The following DOCK9 variants were observed in gnomAD, a reference collection of about 807,000 sequenced individuals.
DOCK9 encodes dedicator of cytokinesis 9.
In DOCK9, 89 loss-of-function variants were observed where a neutral mutation model predicts 263.3. The observed-to-expected ratio is 0.34, with a 90% CI of 0.28 to 0.40. The LOEUF (loss-of-function observed/expected upper bound fraction) is 0.40, where lower values mean the gene tolerates loss of function less well. Ranked by LOEUF, DOCK9 falls within the 10% of genes least tolerant of loss-of-function variation. The pLI is 1.00. For synonymous variants in DOCK9, 976 were observed against 973.1 expected (o/e 1.00, Z -0.06); for missense variants, 2,140 against 2,603.4 (o/e 0.82, Z 3.87).
chr13:98,982,617 A>G (rs183266273), upstream of DOCK9, among the ~76,000 whole-genome samples: 4,662 of 152,312 alleles, frequency 0.031, 96 homozygotes, highest in South Asian at 0.063. Context: ...AGCACTCACG[A>G]TGTATTTGCT....
chr13:98,856,717 T>A (rs557318786), intron 33 of DOCK9: 1 of 152,322 alleles, frequency 6.6e-6, no homozygotes, highest in Admixed American at 6.5e-5. Flanking sequence ...AAAAATAAAA[T>A]TAATTGTTTC....
At chr13:98,999,998 G>A (rs979463308) in intron 1 of DOCK9, among the ~76,000 whole-genome samples, 4 of 152,168 alleles carry the variant, frequency 2.6e-5, no homozygotes, top group Admixed American at 2.6e-4. Context: ...AAAAGAAGAA[G>A]AAGAAAGCAA....
At chr13:99,050,182 G>A (rs1467065636) in intron 1 of DOCK9, among the ~76,000 whole-genome samples, 1 of 152,088 alleles carries the variant, frequency 6.6e-6, no homozygotes, top group Non-Finnish European at 1.5e-5. Flanking sequence ...CATAGCATGT[G>A]TAGTTTATCT....
intron 13 of DOCK9, among the ~76,000 whole-genome samples, chr13:98,899,862 T>G (rs1470892461): frequency 1.3e-5 from 2 of 152,230 alleles, no homozygotes; most frequent in African/African-American, 4.8e-5. Flanking sequence ...ATTTTTTCCC[T>G]TTGGGCTTTT....
chr13:98,955,259 C>T (rs1033409373), intron 2 of DOCK9, among the ~76,000 whole-genome samples, 176 bp downstream of exon 2: 2 of 151,938 alleles, frequency 1.3e-5, no homozygotes, highest in South Asian at 2.1e-4. Flanking sequence ...CGGAGGTTGC[C>T]GTTGAGCCAA....
chr13:99,024,010 C>A (rs145225848), intron 1 of DOCK9, among the ~76,000 whole-genome samples: 1 of 152,328 alleles, frequency 6.6e-6, no homozygotes, highest in East Asian at 1.9e-4. Context: ...CCCCTCAGCT[C>A]AGGAACCTGC....
chr13:98,860,447 T>C lies in DOCK9; in HGVS notation c.3655A>G (p.Asn1219Asp). ...VTPQKGSTLD[N>D]SLHKDLLGAI... ...CCCAGCAGGTCCTTGTGCAGGCTGT[T>C]GTCCAGGGTGCTTCCCTTCTGCGGC... The change falls in exon 33 of 53, where the codon AAC (asparagine) becomes GAC (aspartate). Residue 1219 changes from asparagine to aspartate, a missense_variant. Around this residue, in one of 2 missense-constraint regions of DOCK9, gnomAD observed 1,521 missense variants for 1,741.7 expected, o/e 0.87. Transcript: ENST00000682017. 2 of 1,593,874 alleles carry C rather than the reference T, an allele frequency of 1.3e-6. No individual in the cohort carries two copies. Among genetic ancestry groups the C allele is most frequent in the Non-Finnish European group, 8.6e-7 (1 of 1,169,334 alleles).
rs2060179813 is a variant in DOCK9, at chr13:98,975,492, C to CACAT, written c.126+2291_126+2292insATGT. Among the ~76,000 whole-genome samples, 5 of 151,832 alleles carry CACAT rather than the reference C, an allele frequency of 3.3e-5. No homozygotes were observed. In the South Asian group the frequency reaches 1.0e-3, roughly 32 times the overall value. ...ACACATACACACACACACACACACA[C>CACAT]ACACACACACACACACAAGTTATAC... On this transcript the variant is annotated intron_variant, in intron 1 of 52. Transcript: ENST00000682017.
At chr13:98,802,835 T>C (rs144132345) in intron 49 of DOCK9, among the ~76,000 whole-genome samples, 6 of 152,300 alleles carry the variant, frequency 3.9e-5, no homozygotes, top group Middle Eastern at 3.4e-3. Context: ...GAGGGGTTGA[T>C]AACTTGAGGG....
At chr13:98,845,195 C>T (rs2093352262) in intron 38 of DOCK9, 6 of 486,756 alleles carry the variant, frequency 1.2e-5, no homozygotes, top group African/African-American at 8.3e-5. Context: ...TAAAAATATG[C>T]TCCCCTGTTC....
At chr13:99,025,519 T>C (rs1314471644) in intron 1 of DOCK9, among the ~76,000 whole-genome samples, 2 of 152,242 alleles carry the variant, frequency 1.3e-5, no homozygotes, top group Non-Finnish European at 2.9e-5. Flanking sequence ...TGGATTGGTA[T>C]ACCAATTCGA....
intron 20 of DOCK9, 147 bp from the exon 21 acceptor site, chr13:98,885,239 C>A: frequency 2.7e-6 from 3 of 1,114,888 alleles, no homozygotes; most frequent in Non-Finnish European, 3.8e-6. Context: ...AATGTAATCT[C>A]TGCAGAACAT....
intron 38 of DOCK9, chr13:98,845,231 G>A: frequency 1.2e-6 from 1 of 801,744 alleles, no homozygotes; most frequent in Non-Finnish European, 1.8e-6. Flanking sequence ...TGTAAAGTTA[G>A]AAAGCCCCAA....
intron 27 of DOCK9, among the ~76,000 whole-genome samples, chr13:98,876,290 G>A (rs1406254921): frequency 2.0e-5 from 3 of 152,094 alleles, no homozygotes; most frequent in Non-Finnish European, 2.9e-5. Context: ...TCAGGAGTTC[G>A]AGACCAGCCT....
At chr13:98,850,154 T>C (rs1382144524) in intron 35 of DOCK9, 41 bp from the exon 36 acceptor site, 4 of 1,312,638 alleles carry the variant, frequency 3.0e-6, no homozygotes, top group Non-Finnish European at 4.1e-6. Flanking sequence ...ATACATATGA[T>C]ATACATTATG....
At chr13:98,940,454 A>AGT (rs1340224881) in intron 2 of DOCK9, among the ~76,000 whole-genome samples, 1 of 152,250 alleles carries the variant, frequency 6.6e-6, no homozygotes, top group East Asian at 1.9e-4. Flanking sequence ...GCTGGAGTGC[A>AGT]GTGGTGTGAT....
At chr13:98,980,441 A>G (rs558023827), upstream of DOCK9, among the ~76,000 whole-genome samples, 8 of 152,386 alleles carry the variant, frequency 5.2e-5, no homozygotes, top group South Asian at 1.7e-3. Context: ...ATATGGATCC[A>G]GTGTACACAC....
At chr13:98,923,490 T>C (rs1829927114) in intron 4 of DOCK9, 119 bp from the exon 5 acceptor site, 1 of 802,622 alleles carries the variant, frequency 1.2e-6, no homozygotes, top group Non-Finnish European at 2.1e-6. Flanking sequence ...CCAGCTTCTT[T>C]ATTCAGACAA....
At position 98,829,600 on chromosome 13, in the gene DOCK9, T is replaced by C. The variant is rs758418991; in HGVS notation, c.4749+43A>G. 22 of 1,584,998 alleles carry C rather than the reference T, an allele frequency of 1.4e-5. No individual in the cohort carries two copies. The highest frequency in any genetic ancestry group is 1.9e-5 in the Non-Finnish European group (22 of 1,163,644). On this transcript the variant is annotated intron_variant, in intron 42 of 52. Coordinates refer to ENST00000682017, the MANE Select transcript of DOCK9 (RefSeq NM_001366683.2). This position sits in a 1 kb window ranked among gnomAD's most constrained non-coding sequence, Gnocchi z 4.1. Reference sequence around the variant, plus strand: ...TGTCCACAAGCACCTCAGGTGCTGATGCAGAGTCTCAGGGTGAAACTAACA... The same window carrying C: ...TGTCCACAAGCACCTCAGGTGCTGACGCAGAGTCTCAGGGTGAAACTAACA...
Sources: allele counts gnomAD v4.1 joint callset (sites outside exome capture counted in the v4.1 genomes callset), GRCh38; gene constraint gnomAD v4.1.1; regional missense constraint gnomAD v4.1.1; non-coding constraint Gnocchi (gnomAD v3.1); transcripts MANE v1.5; gene names NCBI Gene and HGNC (gene_info 2026-07-23, HGNC 2026-07-21).